The following UMAD1 variants were observed in gnomAD, a reference collection of about 807,000 sequenced individuals.
The protein encoded by UMAD1 is UBAP1-MVB12-associated (UMA)-domain containing protein 1.
Under a neutral mutation model 6.1 loss-of-function variants are expected in UMAD1, and 8 were observed. The ratio of observed to expected loss-of-function variants is 1.30; its 90% CI spans 0.76 to 2.35. The LOEUF (loss-of-function observed/expected upper bound fraction) is 2.35, where lower values mean the gene tolerates loss of function less well. UMAD1 is among the 30% of genes most tolerant of loss of function. The pLI, the probability that UMAD1 is intolerant of heterozygous loss-of-function variation, is 0.00. For synonymous variants in UMAD1, 56 were observed against 31.4 expected (o/e 1.78, Z -2.61); for missense variants, 130 against 78.4 (o/e 1.66, Z -2.49).
intron 2 of UMAD1, among the ~76,000 whole-genome samples, chr7:7,776,076 T>TA (rs1285910723): frequency 3.9e-5 from 6 of 152,138 alleles, no homozygotes; most frequent in Admixed American, 2.6e-4. Context: ...AAAACTATTT[T>TA]AAAAAATCAT....
At chr7:7,765,000 A>G (rs967568018) in intron 2 of UMAD1, among the ~76,000 whole-genome samples, 2 of 143,470 alleles carry the variant, frequency 1.4e-5, no homozygotes, top group Admixed American at 6.8e-5. Flanking sequence ...TCTTAATATC[A>G]TTCTTTTTTT....
intron 2 of UMAD1, among the ~76,000 whole-genome samples, chr7:7,722,085 C>A (rs910401651): frequency 2.0e-4 from 31 of 151,864 alleles, no homozygotes; most frequent in African/African-American, 7.5e-4. Flanking sequence ...TGCTCCTCAG[C>A]CTGCAGACGG....
intron 3 of UMAD1, among the ~76,000 whole-genome samples, chr7:7,854,790 C>G (rs187960202): frequency 1.3e-5 from 2 of 152,266 alleles, no homozygotes; most frequent in Admixed American, 1.3e-4. Flanking sequence ...CAGCATTAAC[C>G]CAAAAATCCA....
intron 2 of UMAD1, among the ~76,000 whole-genome samples, chr7:7,694,254 T>C (rs978674721): frequency 3.9e-5 from 6 of 152,184 alleles, no homozygotes; most frequent in African/African-American, 1.2e-4. Context: ...TTTATGAGTA[T>C]ATAGTAGGTA....
At chr7:7,666,606 A>G (rs115218344) in intron 1 of UMAD1, among the ~76,000 whole-genome samples, 2,824 of 151,988 alleles carry the variant, frequency 0.019, 88 homozygotes, top group African/African-American at 0.065. Context: ...GATATGGGTC[A>G]TTTTCCTTGT....
intron 3 of UMAD1, among the ~76,000 whole-genome samples, chr7:7,865,305 A>G (rs1002221855): frequency 2.0e-5 from 3 of 152,158 alleles, no homozygotes; most frequent in African/African-American, 7.2e-5. Context: ...CCAGGAAGTT[A>G]GCGTTGGAAT....
intron 3 of UMAD1, among the ~76,000 whole-genome samples, chr7:7,837,321 G>C (rs1328354802): frequency 1.3e-5 from 2 of 152,078 alleles, no homozygotes; most frequent in Non-Finnish European, 2.9e-5. Context: ...TGTACGTCAG[G>C]CTGAAGGAAA....
At position 7,863,385 on chromosome 7, in the gene UMAD1, A is replaced by G. The variant is rs115806323; in HGVS notation, c.157-13896A>G. Among the ~76,000 whole-genome samples the G allele has an allele frequency of 6.6e-3, 1,005 of 152,316 alleles. 12 individuals carry two copies. The highest frequency in any genetic ancestry group is 0.022 in the African/African-American group (929 of 41,566). On this transcript the variant is annotated intron_variant, in intron 3 of 3. Coordinates refer to ENST00000682710, the MANE Select transcript of UMAD1 (RefSeq NM_001302348.2). ...ACAAATGTTATTTGTTATTTTTCCA[A>G]GGTTCTGATGAGAACTTTTCTGATC...
intron 3 of UMAD1, among the ~76,000 whole-genome samples, chr7:7,876,993 A>C (rs1333914557): frequency 6.6e-6 from 1 of 152,252 alleles, no homozygotes; most frequent in East Asian, 1.9e-4. Context: ...GGAAAAGCGG[A>C]GACAGAATTT....
chr7:7,763,019 A>T (rs1287541927), intron 2 of UMAD1, among the ~76,000 whole-genome samples: 4 of 152,192 alleles, frequency 2.6e-5, no homozygotes, highest in African/African-American at 7.2e-5. Flanking sequence ...TTTTATGTTT[A>T]TGGAAACCTA....
intron 2 of UMAD1, among the ~76,000 whole-genome samples, chr7:7,784,337 GT>G (rs5882136): frequency 0.68 from 77,387 of 113,480 alleles, 23,365 homozygotes; most frequent in South Asian, 0.74. Flanking sequence ...TAAAATCTCT[GT>G]TTTTTTTTTT....
At chr7:7,696,331 G>T (rs1221260044) in intron 2 of UMAD1, among the ~76,000 whole-genome samples, 1 of 151,310 alleles carries the variant, frequency 6.6e-6, no homozygotes, top group Non-Finnish European at 1.5e-5. Flanking sequence ...AACAAATGTG[G>T]TCTGATGGTG....
At chr7:7,799,906 G>A (rs577095187) in intron 2 of UMAD1, among the ~76,000 whole-genome samples, 13 of 152,314 alleles carry the variant, frequency 8.5e-5, no homozygotes, top group Non-Finnish European at 1.6e-4. Context: ...TATCTGAGAT[G>A]GAGTTTCGCT....
chr7:7,676,203 T>C (rs987167523), intron 2 of UMAD1: 4 of 398,648 alleles, frequency 1.0e-5, no homozygotes, highest in Non-Finnish European at 8.8e-6. Flanking sequence ...TCTCTACCCT[T>C]GGCAGGTTAG....
chr7:7,743,475 G>A (rs1781513431), intron 2 of UMAD1, among the ~76,000 whole-genome samples: 1 of 151,968 alleles, frequency 6.6e-6, no homozygotes, highest in South Asian at 2.1e-4. Context: ...AGTGTTTAAA[G>A]ATGTTTTGAT....
At chr7:7,871,734 A>G (rs1014152810) in intron 3 of UMAD1, among the ~76,000 whole-genome samples, 1 of 152,114 alleles carries the variant, frequency 6.6e-6, no homozygotes, top group Non-Finnish European at 1.5e-5. Flanking sequence ...TGGCAGTTTT[A>G]TCAGGATAAC....
intron 3 of UMAD1, among the ~76,000 whole-genome samples, chr7:7,846,965 A>G (rs1431630903): frequency 7.1e-6 from 1 of 139,976 alleles, no homozygotes; most frequent in African/African-American, 2.7e-5. Flanking sequence ...TAGATGACAC[A>G]TTAGTGGGTG....
chr7:7,853,253 A>G (rs1783953448), intron 3 of UMAD1, among the ~76,000 whole-genome samples: 1 of 152,194 alleles, frequency 6.6e-6, no homozygotes, highest in Non-Finnish European at 1.5e-5. Flanking sequence ...GAAATCAGAG[A>G]GTGAGTCCTC....
At chr7:7,859,835 G>A (rs1287270081) in intron 3 of UMAD1, among the ~76,000 whole-genome samples, 1 of 152,148 alleles carries the variant, frequency 6.6e-6, no homozygotes, top group African/African-American at 2.4e-5. Flanking sequence ...CAACTTTTCT[G>A]TTGTTGATCT....
Sources: gnomAD v4.1 joint callset for allele counts (sites outside exome capture counted in the v4.1 genomes callset) on GRCh38, gnomAD v4.1.1 for gene constraint, MANE v1.5 for transcripts, NCBI Gene and HGNC (gene_info 2026-07-23, HGNC 2026-07-21) for gene names.